PCBP3: variants seen among roughly 807,000 people sequenced by gnomAD.
The protein encoded by PCBP3 is poly(rC) binding protein 3.
In PCBP3, 25 loss-of-function variants were observed where a neutral mutation model predicts 52.7. The ratio of observed to expected loss-of-function variants is 0.47; its 90% CI spans 0.35 to 0.66. The LOEUF (loss-of-function observed/expected upper bound fraction) is 0.66. Among genes scored for constraint, PCBP3 ranks in the 30% least tolerant of loss-of-function variants. PCBP3 has a pLI of 0.01. For missense variants in PCBP3, 391 were observed against 490.3 expected (o/e 0.80, Z 1.91); for synonymous variants, 162 against 183.0 (o/e 0.89, Z 0.93).
intron 2 of PCBP3, among the ~76,000 whole-genome samples, chr21:45,702,802 A>C (rs2083213358): frequency 6.6e-6 from 1 of 152,240 alleles, no homozygotes. Flanking sequence ...TCTCTGTAGC[A>C]TGTGATGCTG....
intron 2 of PCBP3, among the ~76,000 whole-genome samples, chr21:45,734,519 C>T (rs1332901785): frequency 6.6e-6 from 1 of 152,206 alleles, no homozygotes; most frequent in Non-Finnish European, 1.5e-5. Flanking sequence ...GCCCAGCCCA[C>T]CGACTTCCAG....
intron 3 of PCBP3, among the ~76,000 whole-genome samples, chr21:45,752,524 T>C (rs2087615902): frequency 1.3e-5 from 2 of 152,254 alleles, no homozygotes; most frequent in Admixed American, 6.5e-5. Context: ...ATAAATGTTG[T>C]CTTGTTTCTA....
At chr21:45,909,927 T>C (rs868788189) in intron 10 of PCBP3, among the ~76,000 whole-genome samples, 162 of 35,400 alleles carry the variant, frequency 4.6e-3, no homozygotes, top group South Asian at 7.8e-3. Flanking sequence ...TGCCCAGATA[T>C]GGACCCCCCC....
intron 2 of PCBP3, among the ~76,000 whole-genome samples, chr21:45,670,381 G>A (rs1569098718): frequency 6.6e-6 from 1 of 152,142 alleles, no homozygotes; most frequent in African/African-American, 2.4e-5. Context: ...TGTCTTTGTA[G>A]ATATGTTTTT....
chr21:45,768,738 T>C (rs1324215456), intron 4 of PCBP3, among the ~76,000 whole-genome samples: 2 of 152,234 alleles, frequency 1.3e-5, no homozygotes, highest in African/African-American at 4.8e-5. Context: ...TGGTGTGCTT[T>C]GCCCTCCCCA....
intron 13 of PCBP3, among the ~76,000 whole-genome samples, chr21:45,922,570 A>G (rs979244319): frequency 2.6e-5 from 4 of 152,176 alleles, no homozygotes; most frequent in Non-Finnish European, 4.4e-5. Context: ...AAGAAAAAAT[A>G]CCCTCATATA....
chr21:45,873,691 C>T (rs976304453), intron 5 of PCBP3, among the ~76,000 whole-genome samples: 4 of 152,212 alleles, frequency 2.6e-5, no homozygotes, highest in African/African-American at 9.7e-5. Flanking sequence ...TACTGAAAGG[C>T]CTTCCGCTCT....
chr21:45,658,138 G>A (rs185862635), intron 1 of PCBP3, among the ~76,000 whole-genome samples: 180 of 152,228 alleles, frequency 1.2e-3, no homozygotes, highest in Admixed American at 2.5e-3. Context: ...GTTGTCAGAT[G>A]CTTTTCCTGC....
intron 1 of PCBP3, among the ~76,000 whole-genome samples, chr21:45,663,639 G>T (rs752345679): frequency 6.6e-6 from 1 of 152,096 alleles, no homozygotes; most frequent in South Asian, 2.1e-4. Flanking sequence ...TGAATAGAGT[G>T]TTTTTCCCCA....
chr21:45,755,539 A>G (rs1457205192), intron 4 of PCBP3, among the ~76,000 whole-genome samples, 87 bp downstream of exon 4: 1 of 152,236 alleles, frequency 6.6e-6, no homozygotes, highest in East Asian at 1.9e-4. Context: ...TCCCACAAAC[A>G]GTGCATGAGA....
chr21:45,872,710 C>G (rs115414716), intron 5 of PCBP3: 2 of 151,982 alleles, frequency 1.3e-5, no homozygotes, highest in Non-Finnish European at 2.9e-5. Flanking sequence ...CCTGTGGCTT[C>G]GGTGCTTGGA....
chr21:45,719,464 C>T (rs1240409840), intron 2 of PCBP3, among the ~76,000 whole-genome samples: 1 of 152,166 alleles, frequency 6.6e-6, no homozygotes, highest in East Asian at 1.9e-4. Flanking sequence ...TGTCCTCACT[C>T]AGATCTCATC....
intron 5 of PCBP3, among the ~76,000 whole-genome samples, chr21:45,878,545 G>A (rs1386123375): frequency 6.6e-6 from 1 of 152,228 alleles, no homozygotes; most frequent in Non-Finnish European, 1.5e-5. Flanking sequence ...GGGGACTGCA[G>A]GGTTGATGGC....
intron 1 of PCBP3, among the ~76,000 whole-genome samples, chr21:45,659,344 T>G (rs1437691968): frequency 7.2e-6 from 1 of 138,134 alleles, no homozygotes; most frequent in African/African-American, 2.9e-5. Context: ...TTCCTTTTTT[T>G]TTTTTTTTTT....
At chr21:45,846,317 T>C (rs898563980) in intron 4 of PCBP3, among the ~76,000 whole-genome samples, 5 of 152,348 alleles carry the variant, frequency 3.3e-5, no homozygotes, top group South Asian at 2.1e-4. Context: ...AGTTCATTAT[T>C]TTCTGGTCTT....
At chr21:45,844,330 A>G (rs549343580) in intron 4 of PCBP3, among the ~76,000 whole-genome samples, 10 of 152,006 alleles carry the variant, frequency 6.6e-5, no homozygotes, top group South Asian at 2.1e-4. Context: ...CCCAGCACCT[A>G]AGGACTCTTA....
At chr21:45,652,534 G>A (rs1200803691) in intron 1 of PCBP3, among the ~76,000 whole-genome samples, 1 of 150,234 alleles carries the variant, frequency 6.7e-6, no homozygotes, top group African/African-American at 2.5e-5. Flanking sequence ...TCCTCTTTCC[G>A]GGTTCAAGCA....
rs2092478494 is a variant in PCBP3 at position 45,805,860 on chromosome 21, G to A, written c.-125-44101G>A. ...TTCCCTCCTAGCACCTGCACACTCG[G>A]ATGGTCCTGAGGAAAGGAGGGCGAG... is the stretch of plus-strand genomic sequence containing the variant. On this transcript the variant is annotated intron_variant, in intron 4 of 17. Coordinates refer to ENST00000681687, the MANE Select transcript of PCBP3 (RefSeq NM_001384156.1). This position sits in a 1 kb window ranked among gnomAD's most constrained non-coding sequence, Gnocchi z 4.6. Among the ~76,000 whole-genome samples the A allele has an allele frequency of 6.6e-6, 1 of 152,100 alleles. No individual in the cohort carries two copies. Among genetic ancestry groups the A allele is most frequent in the Non-Finnish European group, 1.5e-5 (1 of 67,998 alleles).
chr21:45,846,086 C>T (rs982916655), intron 4 of PCBP3, among the ~76,000 whole-genome samples: 1 of 152,142 alleles, frequency 6.6e-6, no homozygotes, highest in Non-Finnish European at 1.5e-5. Context: ...CTCTCAGGCT[C>T]CCCTGGGCGT....
Sources: gnomAD v4.1 joint callset for allele counts (sites outside exome capture counted in the v4.1 genomes callset) on GRCh38, gnomAD v4.1.1 for gene constraint, Gnocchi (gnomAD v3.1) non-coding constraint, MANE v1.5 for transcripts, NCBI Gene and HGNC (gene_info 2026-07-23, HGNC 2026-07-21) for gene names.